The following CRADD variants were observed in gnomAD, a reference collection of about 807,000 sequenced individuals.
The protein encoded by CRADD is CARD and death domain containing adaptor protein.
CRADD carries 9 observed loss-of-function variants against 15.5 expected under a neutral mutation model. The observed-to-expected ratio is 0.58, with a 90% confidence interval of 0.35 to 1.01. The LOEUF (loss-of-function observed/expected upper bound fraction) is 1.01, where lower values mean the gene tolerates loss of function less well. CRADD is among the 50% of genes least tolerant of loss of function. The pLI is 0.02. For synonymous variants in CRADD, 118 were observed against 107.6 expected (o/e 1.10, Z -0.60); for missense variants, 227 against 250.3 (o/e 0.91, Z 0.63).
At chr12:93,683,403 A>G (rs966469555) in intron 2 of CRADD, among the ~76,000 whole-genome samples, 2 of 152,226 alleles carry the variant, frequency 1.3e-5, no homozygotes, top group Admixed American at 6.5e-5. Flanking sequence ...ATTCTTAGCC[A>G]TGGCGAGAGT....
chr12:93,712,459 A>G (rs1956091602), intron 2 of CRADD, among the ~76,000 whole-genome samples: 1 of 152,242 alleles, frequency 6.6e-6, no homozygotes, highest in African/African-American at 2.4e-5. Context: ...CGTAAAGTCA[A>G]TAAATGAAAG....
At chr12:93,710,254 T>A (rs144813237) in intron 2 of CRADD, among the ~76,000 whole-genome samples, 1 of 152,282 alleles carries the variant, frequency 6.6e-6, no homozygotes, top group Non-Finnish European at 1.5e-5. Context: ...TAATATCTCA[T>A]TTCCCCTGGT....
chr12:93,728,474 A>G (rs1324102421), intron 2 of CRADD, among the ~76,000 whole-genome samples: 2 of 152,256 alleles, frequency 1.3e-5, no homozygotes, highest in Non-Finnish European at 2.9e-5. Flanking sequence ...ATATTAACCT[A>G]AAATTTAATA....
chr12:93,891,554 G>A (rs887968955), intron 2 of CRADD, among the ~76,000 whole-genome samples: 2 of 152,216 alleles, frequency 1.3e-5, no homozygotes, highest in Non-Finnish European at 2.9e-5. Flanking sequence ...TCTGGGATGG[G>A]GACTGGGGTA....
intron 2 of CRADD, among the ~76,000 whole-genome samples, chr12:93,837,121 C>T (rs894167242): frequency 5.9e-5 from 9 of 151,966 alleles, no homozygotes; most frequent in Non-Finnish European, 1.0e-4. Flanking sequence ...TTCAAGGAAC[C>T]GGATGAATGA....
chr12:93,686,502 C>CTT (rs2136803383), intron 2 of CRADD, among the ~76,000 whole-genome samples: 1 of 152,186 alleles, frequency 6.6e-6, no homozygotes, highest in South Asian at 2.1e-4. Context: ...TTTCATGATG[C>CTT]TTCACAGTTT....
chr12:93,821,172 T>G (rs1045004885), intron 2 of CRADD, among the ~76,000 whole-genome samples: 1 of 152,212 alleles, frequency 6.6e-6, no homozygotes, highest in Non-Finnish European at 1.5e-5. Flanking sequence ...TGTGAAGACA[T>G]TGGACCCTTC....
At chr12:93,839,638 G>A (rs141859909) in intron 2 of CRADD, among the ~76,000 whole-genome samples, 52 of 152,294 alleles carry the variant, frequency 3.4e-4, no homozygotes, top group Admixed American at 2.2e-3. Context: ...CATATAAAGT[G>A]CTTTATCATT....
chr12:93,734,740 T>C (rs1321490408), intron 2 of CRADD, among the ~76,000 whole-genome samples: 1 of 152,218 alleles, frequency 6.6e-6, no homozygotes, highest in African/African-American at 2.4e-5. Context: ...TTTCCTGACC[T>C]CAGAGGTATT....
intron 2 of CRADD, among the ~76,000 whole-genome samples, chr12:93,691,218 T>C (rs10859554): frequency 0.25 from 38,055 of 151,434 alleles, 5,224 homozygotes; most frequent in East Asian, 0.4. Context: ...GTAATTTAAA[T>C]AGGGAAAACT....
At chr12:93,731,705 C>T (rs754372124) in intron 2 of CRADD, among the ~76,000 whole-genome samples, 5 of 152,152 alleles carry the variant, frequency 3.3e-5, no homozygotes, top group Admixed American at 6.5e-5. Flanking sequence ...CAAATATAGC[C>T]ATATAGCTTA....
At chr12:93,826,504 T>C (rs908158452) in intron 2 of CRADD, among the ~76,000 whole-genome samples, 2 of 152,244 alleles carry the variant, frequency 1.3e-5, no homozygotes, top group Non-Finnish European at 2.9e-5. Flanking sequence ...TTTAATACTT[T>C]TTACATTTTC....
At chr12:93,854,164 TC>T (rs1227902888), downstream of CRADD, among the ~76,000 whole-genome samples, 2 of 152,204 alleles carry the variant, frequency 1.3e-5, no homozygotes, top group African/African-American at 4.8e-5. Flanking sequence ...GGCTTGCTCT[TC>T]CGATCTGGGC....
intron 2 of CRADD, among the ~76,000 whole-genome samples, chr12:93,796,643 T>A (rs1957421966): frequency 6.6e-6 from 1 of 151,688 alleles, no homozygotes; most frequent in Non-Finnish European, 1.5e-5. Flanking sequence ...ATATTCTTTA[T>A]TAGTATTAAG....
At chr12:93,848,454 A>G (rs12297002) in intron 2 of CRADD, among the ~76,000 whole-genome samples, 21,640 of 152,228 alleles carry the variant, frequency 0.14, 1,583 homozygotes, top group Middle Eastern at 0.26. Context: ...ATGAGCATGA[A>G]GTAGACTGAC....
chr12:93,682,612 C>G (rs1022046384), intron 2 of CRADD, among the ~76,000 whole-genome samples: 6 of 152,032 alleles, frequency 3.9e-5, no homozygotes, highest in Admixed American at 2.6e-4. Context: ...GTCTCAGAGG[C>G]TTTATTTTGG....
chr12:93,811,185 T>A (rs748137577), intron 2 of CRADD, among the ~76,000 whole-genome samples: 1 of 152,158 alleles, frequency 6.6e-6, no homozygotes, highest in Non-Finnish European at 1.5e-5. Context: ...TAATGCAAAG[T>A]TTAATAAGAG....
At chr12:93,816,427 A>G (rs972655927) in intron 2 of CRADD, among the ~76,000 whole-genome samples, 4 of 129,752 alleles carry the variant, frequency 3.1e-5, no homozygotes, top group South Asian at 4.7e-4. Flanking sequence ...GGGTTTCACC[A>G]TGTTCGTCAG....
chr12:93,855,385 G>A (rs77195122), downstream of CRADD, among the ~76,000 whole-genome samples: 8,821 of 152,144 alleles, frequency 0.058, 296 homozygotes, highest in African/African-American at 0.077. Flanking sequence ...AGAGGCTACT[G>A]CACACCAGTC....
Sources: allele counts gnomAD v4.1 joint callset (sites outside exome capture counted in the v4.1 genomes callset), GRCh38; gene constraint gnomAD v4.1.1; transcripts MANE v1.5; gene names NCBI Gene and HGNC (gene_info 2026-07-23, HGNC 2026-07-21).